PEBP4: variants seen among roughly 807,000 people sequenced by gnomAD.
The protein encoded by PEBP4 is phosphatidylethanolamine-binding protein 4.
In PEBP4, 22 loss-of-function variants were observed where a neutral mutation model predicts 23.9. That is an observed-to-expected ratio of 0.92 (90% CI 0.66 to 1.31). The LOEUF (loss-of-function observed/expected upper bound fraction) is 1.31. Among genes scored for constraint, PEBP4 ranks in the 40% most tolerant of loss-of-function variants. PEBP4 has a pLI of 0.00. For missense variants in PEBP4, 324 were observed against 281.7 expected (o/e 1.15, Z -1.07); for synonymous variants, 112 against 99.3 (o/e 1.13, Z -0.76).
intron 4 of PEBP4, among the ~76,000 whole-genome samples, chr8:22,734,778 G>A (rs931678297): frequency 6.6e-6 from 1 of 152,152 alleles, no homozygotes; most frequent in South Asian, 2.1e-4. Context: ...CAAGGGAGGG[G>A]AAGGGCAGCT....
intron 3 of PEBP4, among the ~76,000 whole-genome samples, chr8:22,819,268 A>G (rs1806809313): frequency 6.6e-6 from 1 of 152,228 alleles, no homozygotes; most frequent in Non-Finnish European, 1.5e-5. Flanking sequence ...CAGGTGTCAC[A>G]AAAGCCAGGA....
rs949271782 is a variant in PEBP4 at position 22,775,695 on chromosome 8, C to T, written c.357+41942G>A. ...ATACCAGCAAACCAGAAATTAGCTC[C>T]GTTCATCACAGGCACACGGGGCTTC... On this transcript the variant is annotated intron_variant, in intron 4 of 6. Coordinates refer to ENST00000256404, the MANE Select transcript of PEBP4 (RefSeq NM_144962.3). This position sits in a 1 kb window ranked among gnomAD's most constrained non-coding sequence, Gnocchi z 4.8. Among the ~76,000 whole-genome samples, 7 of 152,124 alleles carry T rather than the reference C, an allele frequency of 4.6e-5. No individual in the cohort carries two copies. The highest frequency in any genetic ancestry group is 9.7e-5 in the African/African-American group (4 of 41,430).
chr8:22,892,970 C>A (rs1357061720), intron 3 of PEBP4, among the ~76,000 whole-genome samples: 1 of 152,170 alleles, frequency 6.6e-6, no homozygotes, highest in Non-Finnish European at 1.5e-5. Flanking sequence ...GGTCATGATT[C>A]ACAAGGCAGA....
At chr8:22,789,756 CTT>C (rs964548735) in intron 4 of PEBP4, among the ~76,000 whole-genome samples, 11 of 152,242 alleles carry the variant, frequency 7.2e-5, no homozygotes, top group Admixed American at 7.2e-4. Flanking sequence ...TTGTCAAACA[CTT>C]TTGTGACAGA....
chr8:22,735,381 A>G (rs1417628108), intron 4 of PEBP4, among the ~76,000 whole-genome samples: 1 of 152,180 alleles, frequency 6.6e-6, no homozygotes, highest in East Asian at 1.9e-4. Context: ...AGACAAGATA[A>G]AGGAGATTTC....
chr8:22,727,153 G>A lies in PEBP4; in HGVS notation c.403+22C>T, dbSNP rs757045569. The A allele has an allele frequency of 5.0e-6, 8 of 1,613,348 alleles. No homozygotes were observed. In the African/African-American group the frequency reaches 1.1e-4, roughly 22 times the overall value. On this transcript the variant is annotated intron_variant, in intron 5 of 6. Transcript: ENST00000256404. Reference sequence around the variant, plus strand: ...TCACTGATGCCCTGGCTGGGGGAAGGGGTCCCTAGGGTCTTACTCACCTGA... The same window carrying A: ...TCACTGATGCCCTGGCTGGGGGAAGAGGTCCCTAGGGTCTTACTCACCTGA...
intron 4 of PEBP4, among the ~76,000 whole-genome samples, chr8:22,739,101 C>T (rs895607346): frequency 1.3e-5 from 2 of 151,884 alleles, no homozygotes; most frequent in Non-Finnish European, 2.9e-5. Flanking sequence ...TGAGTGAGAC[C>T]TAAGCTGCTC....
chr8:22,922,009 G>A (rs1442222507), intron 2 of PEBP4, among the ~76,000 whole-genome samples: 2 of 152,200 alleles, frequency 1.3e-5, no homozygotes, highest in African/African-American at 4.8e-5. Flanking sequence ...TTTTATCAGA[G>A]TGGAATTGTT....
intron 4 of PEBP4, among the ~76,000 whole-genome samples, chr8:22,749,805 C>CTTTTTGTTTTTTTTTTTT (rs1805209388): frequency 1.2e-5 from 1 of 83,762 alleles, no homozygotes; most frequent in Non-Finnish European, 2.4e-5. Flanking sequence ...GTTTGTCATT[C>CTTTTTGTTTTTTTTTTTT]TTTTTTTTTT....
chr8:22,798,857 C>A (rs1458704935), intron 4 of PEBP4, among the ~76,000 whole-genome samples: 1 of 150,218 alleles, frequency 6.7e-6, no homozygotes, highest in Non-Finnish European at 1.5e-5. Flanking sequence ...CCTGCCTCAG[C>A]CTTCCATGTA....
chr8:22,926,983 G>A (rs534576446), intron 2 of PEBP4, among the ~76,000 whole-genome samples: 21 of 152,200 alleles, frequency 1.4e-4, no homozygotes, highest in East Asian at 7.7e-4. Context: ...TTTTCTAACC[G>A]GCAGAGTTGG....
At chr8:22,719,931 G>A (rs1357296859) in intron 6 of PEBP4, among the ~76,000 whole-genome samples, 1 of 152,246 alleles carries the variant, frequency 6.6e-6, no homozygotes, top group African/African-American at 2.4e-5. Context: ...GCCTTCTCAG[G>A]TGCTGAGGCA....
intron 4 of PEBP4, among the ~76,000 whole-genome samples, chr8:22,738,066 C>T (rs573798030): frequency 1.0e-3 from 153 of 152,250 alleles, no homozygotes; most frequent in Non-Finnish European, 1.5e-3. Context: ...ATGGCTGCGC[C>T]GTGGGCTTGG....
intron 3 of PEBP4, among the ~76,000 whole-genome samples, chr8:22,911,445 C>T (rs889731212): frequency 1.9e-4 from 29 of 152,192 alleles, no homozygotes; most frequent in African/African-American, 7.0e-4. Flanking sequence ...GCAGCAGCTC[C>T]CCACAGCAGA....
intron 3 of PEBP4, among the ~76,000 whole-genome samples, chr8:22,848,739 C>T (rs1314516994): frequency 6.6e-6 from 1 of 152,158 alleles, no homozygotes; most frequent in Non-Finnish European, 1.5e-5. Context: ...GAGAAATTTC[C>T]TTTCTTCTGC....
In PEBP4 at chr8:22,888,691, C is replaced by T. The variant is rs181203346; in HGVS notation, c.258+31493G>A. Among the ~76,000 whole-genome samples the T allele has an allele frequency of 1.1e-4, 16 of 152,338 alleles. No individual in the cohort carries two copies. The East Asian group carries it at 2.1e-3, about 20-fold the overall frequency. On this transcript the variant is annotated intron_variant, in intron 3 of 6. Transcript: ENST00000256404. Reference sequence around the variant, plus strand: ...CCATTAATTTCATGCTATTCCTGTGCCCAGAAACCTGCAATGCCTCACTTC... The same window carrying T: ...CCATTAATTTCATGCTATTCCTGTGTCCAGAAACCTGCAATGCCTCACTTC...
At chr8:22,927,781 C>G in intron 1 of PEBP4, 42 bp downstream of exon 1, 1 of 1,598,872 alleles carries the variant, frequency 6.3e-7, no homozygotes, top group Non-Finnish European at 8.5e-7. Flanking sequence ...TGCCCACTAC[C>G]TGTGCCCCCG....
chr8:22,857,335 T>C (rs983107234), intron 3 of PEBP4, among the ~76,000 whole-genome samples: 1 of 152,066 alleles, frequency 6.6e-6, no homozygotes, highest in Non-Finnish European at 1.5e-5. Context: ...ATCTATACCA[T>C]ACGGGGCTCC....
chr8:22,875,126 A>G (rs1051022512), intron 3 of PEBP4, among the ~76,000 whole-genome samples: 12 of 151,808 alleles, frequency 7.9e-5, no homozygotes, highest in Non-Finnish European at 1.5e-4. Flanking sequence ...TGAAATAATG[A>G]ATTTAGCCCT....
Sources: allele counts gnomAD v4.1 joint callset (sites outside exome capture counted in the v4.1 genomes callset), GRCh38; gene constraint gnomAD v4.1.1; non-coding constraint Gnocchi (gnomAD v3.1); transcripts MANE v1.5; gene names NCBI Gene and HGNC (gene_info 2026-07-23, HGNC 2026-07-21).